Variants in PDE1C observed in about 807,000 individuals in gnomAD.
PDE1C encodes the protein phosphodiesterase 1C.
PDE1C carries 62 observed loss-of-function variants against 93.1 expected under a neutral mutation model. That is an observed-to-expected ratio of 0.67 (90% CI 0.54 to 0.82). The LOEUF (loss-of-function observed/expected upper bound fraction) is 0.82, where lower values mean the gene tolerates loss of function less well. Ranked by LOEUF, PDE1C falls within the 40% of genes least tolerant of loss-of-function variation. PDE1C has a pLI of 0.00. For missense variants in PDE1C, 742 were observed against 884.6 expected, an observed-to-expected ratio of 0.84 and a Z score of 2.04; for synonymous variants, 325 against 310.1, an observed-to-expected ratio of 1.05 and a Z score of -0.50.
At chr7:32,200,340 C>A (rs948444960) in intron 2 of PDE1C, among the ~76,000 whole-genome samples, 5 of 152,068 alleles carry the variant, frequency 3.3e-5, no homozygotes, top group Non-Finnish European at 7.4e-5. Flanking sequence ...ATTAGTAGCC[C>A]AGAACTAATG....
At chr7:31,702,616 C>T in the PDE1C span, among the ~76,000 whole-genome samples, 1 of 152,200 alleles carries the variant, frequency 6.6e-6, no homozygotes, top group African/African-American at 2.4e-5. Flanking sequence ...ACTTTGTCAT[C>T]TCTTTTAGTA....
intron 3 of PDE1C, among the ~76,000 whole-genome samples, chr7:32,142,215 G>A: frequency 6.6e-6 from 1 of 152,084 alleles, no homozygotes; most frequent in East Asian, 1.9e-4. Flanking sequence ...GGAAATAGAG[G>A]AGAAGGAACA....
chr7:32,082,910 G>A (rs1481257901), intron 3 of PDE1C, among the ~76,000 whole-genome samples: 1 of 150,904 alleles, frequency 6.6e-6, no homozygotes, highest in African/African-American at 2.4e-5. Context: ...GGAAAAAACA[G>A]AGCAGAAAAA....
intron 1 of PDE1C, among the ~76,000 whole-genome samples, chr7:32,315,971 G>A (rs990814170): frequency 6.6e-6 from 1 of 152,054 alleles, no homozygotes; most frequent in Admixed American, 6.6e-5. Context: ...CTCCAGCCTG[G>A]GCAACAAGAG....
intron 1 of PDE1C, among the ~76,000 whole-genome samples, chr7:32,285,759 G>A (rs572384167): frequency 1.4e-5 from 2 of 145,612 alleles, no homozygotes; most frequent in East Asian, 2.0e-4. Flanking sequence ...GAGAAGAGAG[G>A]GGGGAGAGAG....
intron 1 of PDE1C, among the ~76,000 whole-genome samples, chr7:32,066,371 T>G (rs1055978395): frequency 2.6e-5 from 4 of 152,140 alleles, no homozygotes; most frequent in African/African-American, 9.7e-5. Flanking sequence ...TAATGTTACT[T>G]TAGGTAATGC....
At chr7:32,409,174 T>C (rs1256723983) in intron 1 of PDE1C, among the ~76,000 whole-genome samples, 1 of 151,830 alleles carries the variant, frequency 6.6e-6, no homozygotes, top group Non-Finnish European at 1.5e-5. Flanking sequence ...CTGGGCAACA[T>C]GGTGAAACCT....
At chr7:31,674,563 TAGAG>T in the PDE1C span, among the ~76,000 whole-genome samples, 13 of 152,184 alleles carry the variant, frequency 8.5e-5, no homozygotes, top group South Asian at 4.1e-4. Context: ...TGTGTTGATA[TAGAG>T]ATAGAAAAAT....
At chr7:32,026,093 C>T (rs528325974) in intron 2 of PDE1C, among the ~76,000 whole-genome samples, 51 of 152,242 alleles carry the variant, frequency 3.3e-4, no homozygotes, top group South Asian at 2.5e-3. Flanking sequence ...TACACACACA[C>T]GCGTGCACTC....
intron 3 of PDE1C, among the ~76,000 whole-genome samples, chr7:32,131,200 T>C (rs957400371): frequency 1.2e-4 from 18 of 152,166 alleles, no homozygotes; most frequent in Admixed American, 1.0e-3. Context: ...TTACACTCAC[T>C]CTTGGAGTGA....
At chr7:31,768,277 C>G (rs562823925) in intron 17 of PDE1C, among the ~76,000 whole-genome samples, 1 of 152,256 alleles carries the variant, frequency 6.6e-6, no homozygotes, top group South Asian at 2.1e-4. Flanking sequence ...GCTAAGAAGG[C>G]CAGTGAGTCG....
chr7:32,051,785 T>TA (rs970731171), intron 1 of PDE1C, among the ~76,000 whole-genome samples: 11 of 152,132 alleles, frequency 7.2e-5, no homozygotes, highest in African/African-American at 2.7e-4. Flanking sequence ...AAGCCTTTAG[T>TA]AAAAAATAGC....
At chr7:32,144,250 G>C (rs1800694958) in intron 3 of PDE1C, among the ~76,000 whole-genome samples, 1 of 152,114 alleles carries the variant, frequency 6.6e-6, no homozygotes, top group Admixed American at 6.5e-5. Context: ...CCAAGACTTT[G>C]TGTCTCTCTG....
intron 1 of PDE1C, among the ~76,000 whole-genome samples, chr7:32,349,175 A>G (rs1783910201): frequency 6.6e-6 from 1 of 152,178 alleles, no homozygotes; most frequent in Non-Finnish European, 1.5e-5. Context: ...TCAGGATGTC[A>G]CAGAAGGTTC....
intron 3 of PDE1C, among the ~76,000 whole-genome samples, chr7:32,107,765 T>TAATTATCA (rs1798405285): frequency 6.6e-6 from 1 of 152,146 alleles, no homozygotes; most frequent in South Asian, 2.1e-4. Context: ...TCTTTTTTCT[T>TAATTATCA]AATTATCAAA....
rs184023791 is a variant in PDE1C, at chr7:31,883,074, G to A, written c.129-2214C>T. Among the ~76,000 whole-genome samples, 462 of 152,228 alleles carry A rather than the reference G, an allele frequency of 3.0e-3. 1 individual carries two copies. The highest frequency in any genetic ancestry group is 5.1e-3 in the Non-Finnish European group (350 of 68,012). On this transcript the variant is annotated intron_variant, in intron 2 of 17. Transcript: ENST00000396191. Reference sequence around the variant, plus strand: ...TACAAAGTAACAAAAAATTGTCCTGGCCATCTACTTCTATCATGTCAAACA... The same window carrying A: ...TACAAAGTAACAAAAAATTGTCCTGACCATCTACTTCTATCATGTCAAACA...
chr7:31,830,976 G>A (rs559447150), intron 11 of PDE1C, among the ~76,000 whole-genome samples: 1 of 152,294 alleles, frequency 6.6e-6, no homozygotes, highest in South Asian at 2.1e-4. Context: ...CTATATGTAA[G>A]CAGCAAACCA....
At chr7:31,678,503 G>A in the PDE1C span, among the ~76,000 whole-genome samples, 2 of 152,106 alleles carry the variant, frequency 1.3e-5, no homozygotes, top group Admixed American at 6.5e-5. Context: ...CTTTTAAACT[G>A]AAGTTTACCA....
intron 2 of PDE1C, among the ~76,000 whole-genome samples, chr7:31,922,401 A>G (rs951693429): frequency 3.9e-5 from 6 of 152,220 alleles, no homozygotes; most frequent in Admixed American, 2.0e-4. Flanking sequence ...GAGCTTTTAT[A>G]GTTTTAATTC....
Sources: allele counts gnomAD v4.1 joint callset (sites outside exome capture counted in the v4.1 genomes callset), GRCh38; gene constraint gnomAD v4.1.1; transcripts MANE v1.5; gene names NCBI Gene and HGNC (gene_info 2026-07-23, HGNC 2026-07-21).